The following SLC5A11 variants were observed in gnomAD, a reference collection of about 807,000 sequenced individuals.
SLC5A11 encodes the protein sodium/myo-inositol cotransporter 2.
SLC5A11 carries 48 observed loss-of-function variants against 69.8 expected under a neutral mutation model. The ratio of observed to expected loss-of-function variants is 0.69; its 90% CI spans 0.55 to 0.87. The LOEUF (loss-of-function observed/expected upper bound fraction) is 0.87. Among genes scored for constraint, SLC5A11 ranks in the 40% least tolerant of loss-of-function variants. The pLI is 0.00. For synonymous variants in SLC5A11, 319 were observed against 342.4 expected (o/e 0.93, Z 0.75); for missense variants, 784 against 866.1 (o/e 0.91, Z 1.19).
intron 12 of SLC5A11, 31 bp from the exon 14 acceptor site, chr16:24,907,932 G>A (rs1418396759): frequency 2.6e-6 from 4 of 1,513,460 alleles, no homozygotes; most frequent in Non-Finnish European, 3.7e-6. Context: ...TTCAGATGAT[G>A]CTAATTTGTG....
At chr16:24,872,279 T>G in intron 5 of SLC5A11, 60 bp downstream of exon 6, 1 of 1,584,960 alleles carries the variant, frequency 6.3e-7, no homozygotes. Flanking sequence ...ATCTCAGCCC[T>G]GCAGTCCCTC....
chr16:24,851,813 G>GCAGA (rs1317981767), intron 1 of SLC5A11, among the ~76,000 whole-genome samples: 5 of 152,168 alleles, frequency 3.3e-5, no homozygotes, highest in Admixed American at 6.5e-5. Context: ...CTCACAGGAG[G>GCAGA]CAGAGCTGGG....
intron 6 of SLC5A11, among the ~76,000 whole-genome samples, chr16:24,876,089 G>A (rs1297242570): frequency 2.0e-5 from 3 of 152,012 alleles, no homozygotes; most frequent in Non-Finnish European, 2.9e-5. Context: ...CCAGCTATTC[G>A]GGAGGCTGAG....
Position 24,896,942 on chromosome 16 carries a change from CTTTTTTTTTTT to C in SLC5A11, c.871-1014_871-1004del, listed in dbSNP as rs869210839. Among the ~76,000 whole-genome samples, 317 of 97,092 alleles carry C rather than the reference CTTTTTTTTTTT, an allele frequency of 3.3e-3. 2 individuals carry two copies. The highest frequency in any genetic ancestry group is 5.2e-3 in the Non-Finnish European group (273 of 52,654). The allele number at this position is 97,092 out of a possible 152,430, so 63.7% of individuals were successfully genotyped here. On this transcript the variant is annotated intron_variant, in intron 9 of 15. Transcript: ENST00000347898. Reference sequence around the variant, plus strand: ...CACCAGGAGTTAGACAACCTCCTTCCTTTTTTTTTTTTTTTTTTTTTTTTTTTTGAGACAGA... The same window carrying C: ...CACCAGGAGTTAGACAACCTCCTTCCTTTTTTTTTTTTTTTTTGAGACAGA...
intron 1 of SLC5A11, among the ~76,000 whole-genome samples, chr16:24,849,593 A>AAAAATATATATATATAT: frequency 5.6e-5 from 2 of 35,910 alleles, no homozygotes; most frequent in African/African-American, 1.8e-4. Flanking sequence ...AAAAAAAAAA[A>AAAAATATATATATATAT]ATATATATAT....
chr16:24,882,483 A>G (rs2048111035), intron 7 of SLC5A11, among the ~76,000 whole-genome samples: 1 of 152,110 alleles, frequency 6.6e-6, no homozygotes, highest in South Asian at 2.1e-4. Flanking sequence ...GGGTTTTTAA[A>G]TTGTACAGTG....
At position 24,887,365 on chromosome 16, in the gene SLC5A11, T is replaced by A. The variant is rs535530436; in HGVS notation, c.664+3234T>A. On this transcript the variant is annotated intron_variant, in intron 8 of 15. Coordinates refer to ENST00000347898, the Ensembl canonical transcript of SLC5A11. ...AACGTTACATAAAGAATATAACAAT[T>A]TAATAAAAATTGGATCTAAAGCCCC... Among the ~76,000 whole-genome samples the A allele has an allele frequency of 1.8e-4, 27 of 152,228 alleles. No homozygotes were observed. In the South Asian group the frequency reaches 5.4e-3, roughly 30 times the overall value.
intron 1 of SLC5A11, among the ~76,000 whole-genome samples, chr16:24,851,929 G>A (rs981035452): frequency 6.6e-6 from 1 of 151,624 alleles, no homozygotes; most frequent in Admixed American, 6.6e-5. Flanking sequence ...TTTGTAATTA[G>A]TCATTGTCAT....
intron 1 of SLC5A11, among the ~76,000 whole-genome samples, chr16:24,847,775 C>A (rs557183888): frequency 2.0e-5 from 3 of 152,182 alleles, no homozygotes; most frequent in African/African-American, 7.2e-5. Context: ...CTTTTTTGGG[C>A]GGTCACAGCG....
chr16:24,905,269 C>CAAAAAAAAA (rs34703027), intron 10 of SLC5A11, among the ~76,000 whole-genome samples: 5 of 80,428 alleles, frequency 6.2e-5, no homozygotes, highest in Admixed American at 3.4e-4. Flanking sequence ...ACTAAAAATA[C>CAAAAAAAAA]AAAAAAAAAA....
chr16:24,899,980 G>A (rs554964595), intron 10 of SLC5A11, among the ~76,000 whole-genome samples: 12 of 152,210 alleles, frequency 7.9e-5, no homozygotes, highest in South Asian at 2.1e-4. Flanking sequence ...CTGGGATTAC[G>A]GTGTGAGCCA....
chr16:24,884,203 CTG>C, intron 8 of SLC5A11, 72 bp downstream of exon 9: 4 of 1,441,654 alleles, frequency 2.8e-6, no homozygotes, highest in Non-Finnish European at 3.9e-6. Flanking sequence ...GCTCTCCACA[CTG>C]TGAACGGCAA....
intron 3 of SLC5A11, among the ~76,000 whole-genome samples, chr16:24,865,623 G>C (rs2046872554): frequency 6.6e-6 from 1 of 152,064 alleles, no homozygotes; most frequent in Admixed American, 6.6e-5. Context: ...GAAGCTCAAA[G>C]TACCAAAAGA....
rs796310352 is a variant in SLC5A11, at chr16:24,905,628, A to G, written c.1007-1029A>G. On this transcript the variant is annotated intron_variant, in intron 10 of 15. Transcript: ENST00000347898. Reference sequence around the variant, plus strand: ...CAGAGCAAGACCCCATCTCAAAAACACGCGCGCGCGCGCACACACACACAC... The same window carrying G: ...CAGAGCAAGACCCCATCTCAAAAACGCGCGCGCGCGCGCACACACACACAC... Among the ~76,000 whole-genome samples, 160 of 128,648 alleles carry G rather than the reference A, an allele frequency of 1.2e-3. 1 individual carries two copies. Among genetic ancestry groups the G allele is most frequent in the African/African-American group, 3.7e-3 (124 of 33,832 alleles). 84.4% of individuals were successfully genotyped at this position (128,648 alleles called of 152,430 possible). A position where few individuals can be genotyped will look rare whatever the true frequency, so the allele number is the denominator to read the frequency against.
At chr16:24,898,258 T>C in intron 10 of SLC5A11, 149 bp downstream of exon 11, 2 of 1,138,316 alleles carry the variant, frequency 1.8e-6, no homozygotes, top group South Asian at 1.7e-5. Context: ...GTCATTCAGG[T>C]TGGAGTGCAG....
intron 14 of SLC5A11, among the ~76,000 whole-genome samples, chr16:24,910,035 T>C (rs2050393490): frequency 6.6e-6 from 1 of 151,820 alleles, no homozygotes; most frequent in East Asian, 1.9e-4. Context: ...AGGGTTAAGC[T>C]CTGGGGATTA....
intron 1 of SLC5A11, among the ~76,000 whole-genome samples, chr16:24,850,593 G>C (rs2059258718): frequency 6.6e-6 from 1 of 152,126 alleles, no homozygotes; most frequent in East Asian, 1.9e-4. Context: ...TCCCCACCAA[G>C]GTCCACGTGT....
intron 9 of SLC5A11, among the ~76,000 whole-genome samples, chr16:24,892,232 T>A (rs1450964059): frequency 6.6e-6 from 1 of 151,654 alleles, no homozygotes; most frequent in Non-Finnish European, 1.5e-5. Flanking sequence ...TAAGATCCTG[T>A]CTCAAATAAT....
At chr16:24,858,058 A>G (rs1276649428) in intron 1 of SLC5A11, among the ~76,000 whole-genome samples, 1 of 152,224 alleles carries the variant, frequency 6.6e-6, no homozygotes, top group African/African-American at 2.4e-5. Context: ...CAACTTCACC[A>G]TCTGTAAAAT....
Sources: gnomAD v4.1 joint callset for allele counts (sites outside exome capture counted in the v4.1 genomes callset) on GRCh38, gnomAD v4.1.1 for gene constraint, MANE v1.5 for transcripts, NCBI Gene and HGNC (gene_info 2026-07-23, HGNC 2026-07-21) for gene names.